HK2: variants seen among roughly 807,000 people sequenced by gnomAD.
The protein encoded by HK2 is hexokinase-2.
In HK2, 42 loss-of-function variants were observed where a neutral mutation model predicts 92.9. The ratio of observed to expected loss-of-function variants is 0.45; its 90% CI spans 0.35 to 0.58. The LOEUF (loss-of-function observed/expected upper bound fraction) is 0.58. Among genes scored for constraint, HK2 ranks in the 20% least tolerant of loss-of-function variants. HK2 has a pLI of 0.00. For missense variants in HK2, 978 were observed against 1,245.1 expected (o/e 0.79, Z 3.23); for synonymous variants, 422 against 468.0 (o/e 0.90, Z 1.27).
At chr2:74,885,615 G>A in intron 13 of HK2, 26 bp downstream of exon 13, 1 of 1,427,716 alleles carries the variant, frequency 7.0e-7, no homozygotes, top group East Asian at 2.3e-5. Context: ...CACGAGGTCT[G>A]ATGTGTCAGC....
At chr2:74,867,889 C>A (rs1375742443) in intron 3 of HK2, 105 bp downstream of exon 3, 51 of 1,294,526 alleles carry the variant, frequency 3.9e-5, no homozygotes, top group Non-Finnish European at 5.6e-5. Context: ...GGCAGTCACC[C>A]AAGACACTCA....
chr2:74,872,945 T>A (rs568865056), intron 4 of HK2, among the ~76,000 whole-genome samples: 1 of 152,248 alleles, frequency 6.6e-6, no homozygotes, highest in Non-Finnish European at 1.5e-5. Context: ...AGCATGTTAC[T>A]GTACTGAATG....
intron 3 of HK2, among the ~76,000 whole-genome samples, chr2:74,870,112 G>A (rs374193871): frequency 7.3e-5 from 11 of 150,526 alleles, no homozygotes; most frequent in East Asian, 2.0e-4. Context: ...AGGTTCAAGC[G>A]ATTCTCCTTC....
intron 1 of HK2, among the ~76,000 whole-genome samples, chr2:74,842,833 A>G (rs1470985126): frequency 3.3e-5 from 5 of 152,208 alleles, no homozygotes; most frequent in Non-Finnish European, 5.9e-5. Flanking sequence ...AGTGCACTTC[A>G]GGTTGAAGCA....
In HK2 at chr2:74,887,984, C is replaced by T. The variant is rs1030300441; in HGVS notation, c.2301C>T (p.Leu767=). The T allele has an allele frequency of 4.5e-5, 73 of 1,614,040 alleles. No homozygotes were observed. The highest frequency in any genetic ancestry group is 3.8e-4 in the Admixed American group (23 of 60,008). The change falls in exon 16 of 18, where the codon CTC becomes CTT. Residue 767 remains leucine (L), a synonymous_variant. Coordinates refer to ENST00000290573, the MANE Select transcript of HK2 (RefSeq NM_000189.5). ...ILIDFTKRGL[L]FRGRISERLK... ...TCGATTTCACCAAGCGTGGACTACTCTTCCGAGGCCGCATCTCAGAGCGGC... is the reference window on the plus strand; with the variant it reads ...TCGATTTCACCAAGCGTGGACTACTTTTCCGAGGCCGCATCTCAGAGCGGC...
intron 1 of HK2, among the ~76,000 whole-genome samples, chr2:74,840,285 T>C (rs1688274569): frequency 6.6e-6 from 1 of 151,592 alleles, no homozygotes; most frequent in Non-Finnish European, 1.5e-5. Flanking sequence ...AAACATCACT[T>C]TTCAAAGTTG....
chr2:74,843,888 T>C (rs924156796), intron 1 of HK2, among the ~76,000 whole-genome samples: 1 of 152,210 alleles, frequency 6.6e-6, no homozygotes, highest in African/African-American at 2.4e-5. Flanking sequence ...CTCCATGAAG[T>C]CCTGTAGCCT....
chr2:74,864,609 T>G (rs1180148278), intron 2 of HK2, among the ~76,000 whole-genome samples: 1 of 152,142 alleles, frequency 6.6e-6, no homozygotes, highest in South Asian at 2.1e-4. Context: ...TGGGTTCTAG[T>G]GATTCTCTTG....
In HK2 at chr2:74,892,798, C is replaced by T. The variant is rs890080323; in HGVS notation, c.*1857C>T. On this transcript the variant is annotated 3_prime_UTR_variant, in exon 18 of 18. Transcript: ENST00000290573. ...AACAGCCCAGGTCCTCCCGGGAGCA[C>T]AGAGGGGCTAGGGGCTGGTCCTTCT... 4 of 152,132 alleles carry T rather than the reference C, an allele frequency of 2.6e-5. No homozygotes were observed. Among genetic ancestry groups the T allele is most frequent in the African/African-American group, 9.7e-5 (4 of 41,428 alleles). The allele number at this position is 152,132 out of a possible 1,614,324, so 9.4% of individuals were successfully genotyped here.
intron 1 of HK2, among the ~76,000 whole-genome samples, chr2:74,847,834 C>T (rs1372436357): frequency 2.0e-5 from 3 of 152,162 alleles, no homozygotes; most frequent in African/African-American, 7.2e-5. Context: ...GTCTGGGCAG[C>T]CAGACTTTCT....
intron 1 of HK2, among the ~76,000 whole-genome samples, chr2:74,844,294 T>C (rs1411026437): frequency 6.6e-6 from 1 of 152,198 alleles, no homozygotes; most frequent in Non-Finnish European, 1.5e-5. Context: ...AGTTTCTTGA[T>C]CCCCATCATG....
intron 1 of HK2, among the ~76,000 whole-genome samples, chr2:74,838,653 C>T (rs188750309): frequency 6.6e-6 from 1 of 151,918 alleles, no homozygotes; most frequent in African/African-American, 2.4e-5. Context: ...ATTCTCCTGC[C>T]TCAGCCTCCC....
chr2:74,876,135 A>C (rs190103234), intron 7 of HK2, among the ~76,000 whole-genome samples: 1 of 152,312 alleles, frequency 6.6e-6, no homozygotes, highest in Non-Finnish European at 1.5e-5. Flanking sequence ...AACATTTAAA[A>C]TGCGCGCTGT....
At chr2:74,846,858 T>A (rs1001739585) in intron 1 of HK2, among the ~76,000 whole-genome samples, 1 of 152,226 alleles carries the variant, frequency 6.6e-6, no homozygotes, top group African/African-American at 2.4e-5. Context: ...ACGAAAGTAG[T>A]CATAATAAGG....
In HK2 at chr2:74,856,275, A is replaced by C. The variant is rs184539805; in HGVS notation, c.226+1820A>C. On this transcript the variant is annotated intron_variant, in intron 2 of 17. Coordinates refer to ENST00000290573, the MANE Select transcript of HK2 (RefSeq NM_000189.5). ...TGCCTCTAGGGACCTGGTTCGTCTGAGACTGTATCGTTCCCAAAATAAGTA... is the reference window on the plus strand; with the variant it reads ...TGCCTCTAGGGACCTGGTTCGTCTGCGACTGTATCGTTCCCAAAATAAGTA... 7.8e-4 allele frequency among the ~76,000 whole-genome samples: 118 copies of C among 152,214 alleles called. 1 individual carries two copies. Among genetic ancestry groups the C allele is most frequent in the African/African-American group, 2.7e-3 (114 of 41,536 alleles).
intron 2 of HK2, among the ~76,000 whole-genome samples, chr2:74,862,327 A>G (rs3771773): frequency 0.28 from 42,634 of 152,148 alleles, 6,823 homozygotes; most frequent in Middle Eastern, 0.42. Flanking sequence ...TGCTAGCACA[A>G]TGTGTGGATT....
Position 74,854,315 on chromosome 2 carries a change from T to C in HK2, c.86T>C (p.Met29Thr), listed in dbSNP as rs754291294. Reference protein sequence around the residue: ...VQKVDQYLYHMRLSDETLLEI... With the variant: ...VQKVDQYLYHTRLSDETLLEI... ...CAGGTTGACCAGTATCTCTACCACATGCGCCTCTCTGATGAGACCCTCTTG... is the reference window on the plus strand; with the variant it reads ...CAGGTTGACCAGTATCTCTACCACACGCGCCTCTCTGATGAGACCCTCTTG... The change falls in exon 2 of 18, where the codon ATG becomes ACG. Residue 29 changes from methionine to threonine, a missense_variant. Met to Thr is a moderately conservative substitution (Grantham distance 81). Transcript: ENST00000290573. 2 of 1,612,900 alleles carry C rather than the reference T, an allele frequency of 1.2e-6. No homozygotes were observed. Among genetic ancestry groups the C allele is most frequent in the East Asian group, 2.2e-5 (1 of 44,878 alleles).
At chr2:74,882,689 C>A (rs1025817389) in intron 12 of HK2, among the ~76,000 whole-genome samples, 3 of 146,606 alleles carry the variant, frequency 2.0e-5, no homozygotes, top group African/African-American at 7.5e-5. Context: ...TCTCGTTTAA[C>A]CCTCACAGCA....
intron 1 of HK2, among the ~76,000 whole-genome samples, chr2:74,846,597 T>C (rs1302780147): frequency 1.3e-5 from 2 of 152,238 alleles, no homozygotes; most frequent in Non-Finnish European, 2.9e-5. Context: ...TCTATGTGGT[T>C]GCATGTAGTG....
Sources: gnomAD v4.1 joint callset for allele counts (sites outside exome capture counted in the v4.1 genomes callset) on GRCh38, gnomAD v4.1.1 for gene constraint, MANE v1.5 for transcripts, NCBI Gene and HGNC (gene_info 2026-07-23, HGNC 2026-07-21) for gene names.